Variants in PTK2 observed in about 807,000 individuals in gnomAD.
PTK2 encodes focal adhesion kinase 1.
In PTK2, 45 loss-of-function variants were observed where a neutral mutation model predicts 150.1. The observed-to-expected ratio is 0.30, with a 90% CI of 0.24 to 0.38. The LOEUF is 0.38. Among genes scored for constraint, PTK2 ranks in the 10% least tolerant of loss-of-function variants. PTK2 has a pLI of 1.00. For missense variants in PTK2, 919 were observed against 1,307.3 expected, an observed-to-expected ratio of 0.70 and a Z score of 4.58; for synonymous variants, 432 against 449.2, an observed-to-expected ratio of 0.96 and a Z score of 0.48.
chr8:140,857,641 G>C (rs1292519717), intron 5 of PTK2, among the ~76,000 whole-genome samples: 1 of 152,214 alleles, frequency 6.6e-6, no homozygotes, highest in Non-Finnish European at 1.5e-5. Context: ...GCCATGGGCT[G>C]TAAGATACAG....
At chr8:140,828,190 G>C (rs2100113086) in intron 8 of PTK2, among the ~76,000 whole-genome samples, 1 of 151,510 alleles carries the variant, frequency 6.6e-6, no homozygotes, top group Admixed American at 6.6e-5. Flanking sequence ...AAAAGAGAAA[G>C]TAGAATTAAA....
chr8:140,764,297 G>C lies in PTK2; in HGVS notation c.1178-7C>G. On this transcript the variant is annotated splice_region_variant and splice_polypyrimidine_tract_variant and intron_variant, in intron 14 of 31. Transcript: ENST00000522684. Reference sequence around the variant, plus strand: ...TCAGCATAATCATCTGTTTCTGCAGGAAAAGAAACAGATATGTTGAAAGAG... The same window carrying C: ...TCAGCATAATCATCTGTTTCTGCAGCAAAAGAAACAGATATGTTGAAAGAG... 9 of 1,601,354 alleles carry C rather than the reference G, an allele frequency of 5.6e-6. No homozygotes were observed. The highest frequency in any genetic ancestry group is 7.7e-6 in the Non-Finnish European group (9 of 1,169,762).
chr8:140,744,520 G>A (rs2100057577), intron 19 of PTK2, 132 bp downstream of exon 22: 1 of 472,164 alleles, frequency 2.1e-6, no homozygotes, highest in East Asian at 3.0e-5. Context: ...ATACAATTTT[G>A]TAGAATTGGT....
At chr8:140,924,855 G>A (rs1173734754) in intron 2 of PTK2, among the ~76,000 whole-genome samples, 1 of 152,120 alleles carries the variant, frequency 6.6e-6, no homozygotes, top group Non-Finnish European at 1.5e-5. Context: ...TTTTAATAGA[G>A]CACAAATGAA....
intron 29 of PTK2, among the ~76,000 whole-genome samples, chr8:140,671,777 A>C (rs1219871289): frequency 6.6e-6 from 1 of 150,946 alleles, no homozygotes; most frequent in East Asian, 1.9e-4. Flanking sequence ...AAAAAAAAAA[A>C]AAAAATTAGA....
chr8:140,873,016 A>G (rs1360910734), intron 4 of PTK2, among the ~76,000 whole-genome samples: 2 of 152,206 alleles, frequency 1.3e-5, no homozygotes, highest in Non-Finnish European at 1.5e-5. Context: ...AACTTGTGTG[A>G]CATTCTACTG....
chr8:140,835,141 C>A (rs747971470), intron 7 of PTK2, among the ~76,000 whole-genome samples: 1 of 152,206 alleles, frequency 6.6e-6, no homozygotes, highest in Non-Finnish European at 1.5e-5. Flanking sequence ...CAGCCTGTGG[C>A]CTTATCCTGC....
intron 27 of PTK2, among the ~76,000 whole-genome samples, chr8:140,681,102 C>T (rs1206006268): frequency 4.6e-5 from 7 of 152,186 alleles, no homozygotes; most frequent in African/African-American, 1.4e-4. Context: ...CGGTTGCTCA[C>T]GCCTGTAATC....
intron 21 of PTK2, among the ~76,000 whole-genome samples, chr8:140,736,896 T>G (rs57416159): frequency 0.44 from 66,626 of 152,054 alleles, 15,303 homozygotes; most frequent in East Asian, 0.61. Context: ...TTTTTGCATC[T>G]TTAGAACCTA....
At position 140,817,200 on chromosome 8, in the gene PTK2, A is replaced by G. The variant is rs544728080; in HGVS notation, c.867+1077T>C. 3.3e-5 allele frequency among the ~76,000 whole-genome samples: 5 copies of G among 152,138 alleles called. No individual in the cohort carries two copies. The South Asian group carries it at 8.3e-4, about 25-fold the overall frequency. On this transcript the variant is annotated intron_variant, in intron 10 of 31. Transcript: ENST00000522684. ...TTCTGAATAACAAAACAGGAATATGAGGAAAAACACAGAAGATTACTAAAT... is the reference window on the plus strand; with the variant it reads ...TTCTGAATAACAAAACAGGAATATGGGGAAAAACACAGAAGATTACTAAAT...
chr8:140,694,852 C>T (rs938640939), intron 26 of PTK2, among the ~76,000 whole-genome samples: 1 of 152,242 alleles, frequency 6.6e-6, no homozygotes, highest in African/African-American at 2.4e-5. Context: ...AGAGACCTAG[C>T]TGCCACCATC....
intron 9 of PTK2, among the ~76,000 whole-genome samples, chr8:140,818,623 A>C (rs1357323374): frequency 6.6e-6 from 1 of 152,250 alleles, no homozygotes; most frequent in Non-Finnish European, 1.5e-5. Context: ...GCCCTTAGAG[A>C]ACAATTAACA....
At chr8:140,931,506 C>T (rs2100171749) in intron 1 of PTK2, among the ~76,000 whole-genome samples, 1 of 151,912 alleles carries the variant, frequency 6.6e-6, no homozygotes, top group African/African-American at 2.4e-5. Flanking sequence ...GCTGAGGCTG[C>T]AATGAGCCAT....
intron 1 of PTK2, among the ~76,000 whole-genome samples, chr8:140,990,548 T>C (rs2100195318): frequency 6.6e-6 from 1 of 152,072 alleles, no homozygotes. Flanking sequence ...GGCCAACAAA[T>C]TGTCTCAAGA....
At chr8:140,704,518 G>A (rs1383165191) in intron 24 of PTK2, among the ~76,000 whole-genome samples, 1 of 152,178 alleles carries the variant, frequency 6.6e-6, no homozygotes, top group Non-Finnish European at 1.5e-5. Context: ...GGGACACAAA[G>A]AGAACTGTCT....
chr8:140,877,304 G>C (rs934592482), intron 4 of PTK2, among the ~76,000 whole-genome samples: 13 of 152,118 alleles, frequency 8.5e-5, no homozygotes, highest in Non-Finnish European at 1.8e-4. Context: ...AAAGTGCTGG[G>C]ATTGCAGATG....
At chr8:140,862,156 T>C (rs984032786) in intron 5 of PTK2, among the ~76,000 whole-genome samples, 4 of 152,018 alleles carry the variant, frequency 2.6e-5, no homozygotes, top group Non-Finnish European at 4.4e-5. Context: ...CTAGAAATTA[T>C]AAAAAGGAGT....
intron 27 of PTK2, among the ~76,000 whole-genome samples, chr8:140,678,984 C>T (rs1452704691): frequency 6.8e-6 from 1 of 146,442 alleles, no homozygotes; most frequent in Non-Finnish European, 1.5e-5. Context: ...CAGCTCACGG[C>T]CAGCTGAGTG....
chr8:140,787,833 G>C (rs1451721749), intron 14 of PTK2, among the ~76,000 whole-genome samples: 1 of 152,208 alleles, frequency 6.6e-6, no homozygotes, highest in African/African-American at 2.4e-5. Flanking sequence ...TTTACAGTTT[G>C]GCAAGAAGAC....
Sources: gnomAD v4.1 joint callset for allele counts (sites outside exome capture counted in the v4.1 genomes callset) on GRCh38, gnomAD v4.1.1 for gene constraint, MANE v1.5 for transcripts, NCBI Gene and HGNC (gene_info 2026-07-23, HGNC 2026-07-21) for gene names.